The following CRIPT variants were observed in gnomAD, a reference collection of about 807,000 sequenced individuals.
CRIPT encodes the protein cysteine-rich PDZ-binding protein.
Under a neutral mutation model 16.6 loss-of-function variants are expected in CRIPT, and 20 were observed. The ratio of observed to expected loss-of-function variants is 1.20; its 90% confidence interval spans 0.85 to 1.75. The LOEUF (loss-of-function observed/expected upper bound fraction) is 1.75, where lower values mean the gene tolerates loss of function less well. CRIPT is among the 40% of genes most tolerant of loss of function. CRIPT has a pLI of 0.00. For synonymous variants in CRIPT, 42 were observed against 37.0 expected, an observed-to-expected ratio of 1.14 and a Z score of -0.49; for missense variants, 133 against 115.3, an observed-to-expected ratio of 1.15 and a Z score of -0.70.
rs1470470417 is a variant in CRIPT, at chr2:46,627,742, G to A, written c.*3515G>A. ...TTACAGGCATGAGCCACTGCACCCG[G>A]CCCCTTATATTTAAATCTTTAATCT... On this transcript the variant is annotated 3_prime_UTR_variant, in exon 5 of 5. Transcript: ENST00000238892. 6.6e-6 allele frequency among the ~76,000 whole-genome samples: 1 copy of A among 152,086 alleles called. No homozygotes were observed. Among genetic ancestry groups the A allele is most frequent in the African/African-American group, 2.4e-5 (1 of 41,414 alleles).
Position 46,619,692 on chromosome 2 carries a change from G to A in CRIPT, c.137+11G>A, listed in dbSNP as rs1261652416. ...TTCAAAAAAAGCAAGGTGGGTAAGAGGATCCATCGATGGGTCACATAAATT... is the reference window on the plus strand; with the variant it reads ...TTCAAAAAAAGCAAGGTGGGTAAGAAGATCCATCGATGGGTCACATAAATT... On this transcript the variant is annotated intron_variant, in intron 3 of 4. Transcript: ENST00000238892. The A allele has an allele frequency of 6.2e-7, 1 of 1,605,464 alleles. No individual in the cohort carries two copies. Among genetic ancestry groups the A allele is most frequent in the Admixed American group, 1.7e-5 (1 of 59,206 alleles).
intron 2 of CRIPT, among the ~76,000 whole-genome samples, 167 bp downstream of exon 2, chr2:46,619,005 CT>C (rs1205044595): frequency 6.6e-6 from 1 of 152,066 alleles, no homozygotes; most frequent in Non-Finnish European, 1.5e-5. Context: ...CTATTTAGTT[CT>C]CAGTTACTTG....
At chr2:46,620,028 A>T (rs1355398743) in intron 3 of CRIPT, among the ~76,000 whole-genome samples, 2 of 152,232 alleles carry the variant, frequency 1.3e-5, no homozygotes, top group African/African-American at 4.8e-5. Flanking sequence ...CTCACTGTCT[A>T]GCCTTATGAC....
intron 3 of CRIPT, among the ~76,000 whole-genome samples, chr2:46,621,462 A>G (rs1296955755): frequency 6.6e-6 from 1 of 151,934 alleles, no homozygotes; most frequent in Non-Finnish European, 1.5e-5. Flanking sequence ...ATCTAAACTA[A>G]TCTCTTCTTT....
chr2:46,617,234 C>CCTGCTG lies in CRIPT; in HGVS notation c.-36_-31dup, dbSNP rs537008712. On this transcript the variant is annotated 5_prime_UTR_variant, in exon 1 of 5. Coordinates refer to ENST00000238892, the MANE Select transcript of CRIPT (RefSeq NM_014171.6). The stretch of plus-strand genomic sequence containing the variant: ...CAAGTTGTAGTGTTGTTGTTTTCAG[C>CCTGCTG]CTGCTGCTGCTGCTGCTGTTGCGGC... 5.8e-6 allele frequency: 9 copies of CCTGCTG among 1,546,516 alleles called. No individual in the cohort carries two copies. Among genetic ancestry groups the CCTGCTG allele is most frequent in the South Asian group, 2.4e-5 (2 of 83,194 alleles).
At chr2:46,624,039 A>AT (rs1322684755) in intron 4 of CRIPT, 124 bp from the exon 5 acceptor site, 217 of 382,212 alleles carry the variant, frequency 5.7e-4, no homozygotes, top group Middle Eastern at 8.1e-4. Flanking sequence ...ATATATATAT[A>AT]TATTTTTTTT....
chr2:46,625,140 A>C lies in CRIPT; in HGVS notation c.*913A>C, dbSNP rs1670905248. ...CAGGGTGGAGTGCAGAGGTATCATC[A>C]GGCTCTCTGCAGCCTCCATCTGCTG... On this transcript the variant is annotated 3_prime_UTR_variant, in exon 5 of 5. Coordinates refer to ENST00000238892, the MANE Select transcript of CRIPT (RefSeq NM_014171.6). The C allele has an allele frequency of 7.0e-6, 1 of 143,176 alleles. No individual in the cohort carries two copies. The highest frequency in any genetic ancestry group is 2.7e-5 in the African/African-American group (1 of 37,438). The allele number at this position is 143,176 out of a possible 1,614,324, so 8.9% of individuals were successfully genotyped here.
intron 1 of CRIPT, among the ~76,000 whole-genome samples, chr2:46,617,805 C>T (rs918143501): frequency 6.6e-6 from 1 of 152,048 alleles, no homozygotes; most frequent in East Asian, 1.9e-4. Flanking sequence ...ATTTCCCTAA[C>T]TTAAAACCTT....
At position 46,625,519 on chromosome 2, in the gene CRIPT, A is replaced by G. The variant is rs1006691530; in HGVS notation, c.*1292A>G. 2 of 151,562 alleles carry G rather than the reference A, an allele frequency of 1.3e-5. No homozygotes were observed. Among genetic ancestry groups the G allele is most frequent in the African/African-American group, 2.4e-5 (1 of 41,340 alleles). 9.4% of individuals were successfully genotyped at this position (151,562 alleles called of 1,614,324 possible). On this transcript the variant is annotated 3_prime_UTR_variant, in exon 5 of 5. Transcript: ENST00000238892. ...ACCAAAAAAGCATTCCCTATTTCCA[A>G]CTGCAGTATGTATAAATACATATCA... is the stretch of plus-strand genomic sequence containing the variant.
chr2:46,623,328 C>G (rs1670856212), intron 3 of CRIPT, among the ~76,000 whole-genome samples: 1 of 152,080 alleles, frequency 6.6e-6, no homozygotes, highest in South Asian at 2.1e-4. Context: ...AGTTACTTTC[C>G]TAGTGATTTT....
Position 46,629,283 on chromosome 2 carries a change from G to C in CRIPT, c.*5056G>C, listed in dbSNP as rs1481101098. Among the ~76,000 whole-genome samples the C allele has an allele frequency of 6.6e-6, 1 of 152,106 alleles. No individual in the cohort carries two copies. Among genetic ancestry groups the C allele is most frequent in the Non-Finnish European group, 1.5e-5 (1 of 68,022 alleles). On this transcript the variant is annotated 3_prime_UTR_variant, in exon 5 of 5. Coordinates refer to ENST00000238892, the MANE Select transcript of CRIPT (RefSeq NM_014171.6). Reference sequence around the variant, plus strand: ...CCTAGAATCCTCGACCCATTAGAAAGTATATTGTAGACATCATACTCTTTA... The same window carrying C: ...CCTAGAATCCTCGACCCATTAGAAACTATATTGTAGACATCATACTCTTTA...
rs544783778 is a variant in CRIPT at position 46,625,703 on chromosome 2, A to T, written c.*1476A>T. 2.3e-4 allele frequency: 35 copies of T among 152,248 alleles called. No individual in the cohort carries two copies. Among genetic ancestry groups the T allele is most frequent in the Admixed American group, 7.9e-4 (12 of 15,284 alleles). 9.4% of individuals were successfully genotyped at this position (152,248 alleles called of 1,614,324 possible). A position where few individuals can be genotyped will look rare whatever the true frequency, so the allele number is the denominator to read the frequency against. On this transcript the variant is annotated 3_prime_UTR_variant, in exon 5 of 5. Transcript: ENST00000238892. ...TTTATTCATATCCAGAAAAATTACA[A>T]GGATAATACAGAATATAATAAATAA...
Position 46,625,064 on chromosome 2 carries a change from TTTGTTTG to T in CRIPT, c.*840_*846del, listed in dbSNP as rs1436125459. The T allele has an allele frequency of 7.1e-6, 1 of 141,738 alleles. No homozygotes were observed. The highest frequency in any genetic ancestry group is 2.9e-5 in the African/African-American group (1 of 34,468). The allele number at this position is 141,738 out of a possible 1,614,324, so 8.8% of individuals were successfully genotyped here. ...ACATCTTGACTCTCCCTTTTTAAAA[TTTGTTTG>T]TTTTTTTTTTTTTTTTTTGGATACA... is the stretch of plus-strand genomic sequence containing the variant. On this transcript the variant is annotated 3_prime_UTR_variant, in exon 5 of 5. Coordinates refer to ENST00000238892, the MANE Select transcript of CRIPT (RefSeq NM_014171.6).
chr2:46,621,537 C>T (rs569356489), intron 3 of CRIPT, among the ~76,000 whole-genome samples: 13 of 152,272 alleles, frequency 8.5e-5, no homozygotes, highest in South Asian at 4.1e-4. Flanking sequence ...TATTTGAAAA[C>T]CTTGCTTGTT....
intron 3 of CRIPT, among the ~76,000 whole-genome samples, chr2:46,620,217 G>A (rs1281702625): frequency 6.6e-6 from 1 of 152,206 alleles, no homozygotes; most frequent in Non-Finnish European, 1.5e-5. Context: ...GGGAAGCCAA[G>A]GCAGACAGAT....
rs1442287549 is a variant in CRIPT, at chr2:46,625,567, G to C, written c.*1340G>C. 1 of 151,906 alleles carries C rather than the reference G, an allele frequency of 6.6e-6. No individual in the cohort carries two copies. The highest frequency in any genetic ancestry group is 1.5e-5 in the Non-Finnish European group (1 of 67,982). 9.4% of individuals were successfully genotyped at this position (151,906 alleles called of 1,614,324 possible). On this transcript the variant is annotated 3_prime_UTR_variant, in exon 5 of 5. Coordinates refer to ENST00000238892, the MANE Select transcript of CRIPT (RefSeq NM_014171.6). Reference sequence around the variant, plus strand: ...TCACTACAAAATGTATAGAAAGTGTGATGAGATACATGAATGGCATTTTTA... The same window carrying C: ...TCACTACAAAATGTATAGAAAGTGTCATGAGATACATGAATGGCATTTTTA...
In CRIPT at chr2:46,624,687, T is replaced by C. The variant is rs1483061308; in HGVS notation, c.*460T>C. 1 of 152,314 alleles carries C rather than the reference T, an allele frequency of 6.6e-6. No homozygotes were observed. The highest frequency in any genetic ancestry group is 1.5e-5 in the Non-Finnish European group (1 of 68,106). The allele number at this position is 152,314 out of a possible 1,614,324, so 9.4% of individuals were successfully genotyped here. A position where few individuals can be genotyped will look rare whatever the true frequency, so the allele number is the denominator to read the frequency against. ...ATTGCGGTTTCATAGGATATATAAATGTTTCAAGCCATTATTGCTGAATGG... is the reference window on the plus strand; with the variant it reads ...ATTGCGGTTTCATAGGATATATAAACGTTTCAAGCCATTATTGCTGAATGG... On this transcript the variant is annotated 3_prime_UTR_variant, in exon 5 of 5. Transcript: ENST00000238892.
In CRIPT at chr2:46,619,615, A is replaced by G. The variant is rs1203395293; in HGVS notation, c.83-12A>G. On this transcript the variant is annotated splice_polypyrimidine_tract_variant and intron_variant, in intron 2 of 4. Transcript: ENST00000238892. The stretch of plus-strand genomic sequence containing the variant: ...GAAATAACCCACTAAAATATCTTTT[A>G]TTCTGATACAGAAAGTGGTGGAAGA... The G allele has an allele frequency of 1.3e-6, 2 of 1,596,062 alleles. No homozygotes were observed. Among genetic ancestry groups the G allele is most frequent in the Non-Finnish European group, 1.7e-6 (2 of 1,166,948 alleles).
rs117720191 is a variant in CRIPT, at chr2:46,618,992, C to T, written c.82+154C>T. Among the ~76,000 whole-genome samples, 190 of 152,214 alleles carry T rather than the reference C, an allele frequency of 1.2e-3. 5 individuals are homozygous for T. The East Asian group carries it at 0.017, about 13-fold the overall frequency. On this transcript the variant is annotated intron_variant, in intron 2 of 4. Coordinates refer to ENST00000238892, the MANE Select transcript of CRIPT (RefSeq NM_014171.6). Reference sequence around the variant, plus strand: ...ACTGGGTCCTCAAGTGATTTAATATCTTCTATTTAGTTCTCAGTTACTTGT... The same window carrying T: ...ACTGGGTCCTCAAGTGATTTAATATTTTCTATTTAGTTCTCAGTTACTTGT...
Sources: allele counts gnomAD v4.1 joint callset (sites outside exome capture counted in the v4.1 genomes callset), GRCh38; gene constraint gnomAD v4.1.1; transcripts MANE v1.5; gene names NCBI Gene and HGNC (gene_info 2026-07-23, HGNC 2026-07-21).